Variants in CDCP1 observed in about 807,000 individuals in gnomAD.
CDCP1 encodes the protein CUB domain containing protein 1.
Under a neutral mutation model 60.2 loss-of-function variants are expected in CDCP1, and 29 were observed. That is an observed-to-expected ratio of 0.48 (90% CI 0.36 to 0.66). CDCP1 has a LOEUF of 0.66. Among genes scored for constraint, CDCP1 ranks in the 30% least tolerant of loss-of-function variants. The pLI is 0.00. For missense variants in CDCP1, 876 were observed against 1,074.3 expected (o/e 0.82, Z 2.58); for synonymous variants, 387 against 431.1 (o/e 0.90, Z 1.27).
At chr3:45,113,872 T>C (rs779737594) in intron 2 of CDCP1, among the ~76,000 whole-genome samples, 1 of 152,342 alleles carries the variant, frequency 6.6e-6, no homozygotes, top group Middle Eastern at 3.4e-3. Flanking sequence ...AACTTCAATG[T>C]TTATATCAAG....
rs140716852 is a variant in CDCP1, at chr3:45,112,278, T to C, written c.460A>G (p.Ser154Gly). ...GAGTGAGTGACTCCGTCTGGGCAGCTCTCACCCGGACCGATCTGCCTCAGG... is the reference window on the plus strand; with the variant it reads ...GAGTGAGTGACTCCGTCTGGGCAGCCCTCACCCGGACCGATCTGCCTCAGG... Reference protein sequence around the residue: ...PRLRQIGPGESCPDGVTHSIS... With the variant: ...PRLRQIGPGEGCPDGVTHSIS... Residue 154 changes from serine (S) to glycine (G), a missense_variant, in exon 3 of 9, where the codon AGC (serine) becomes GGC (glycine). Ser to Gly is a moderately conservative substitution (Grantham distance 56, BLOSUM62 0). Transcript: ENST00000296129. 52 of 1,614,094 alleles carry C rather than the reference T, an allele frequency of 3.2e-5. No homozygotes were observed. In the African/African-American group the frequency reaches 6.7e-4, roughly 21 times the overall value.
At chr3:45,106,459 T>C (rs535611912) in intron 4 of CDCP1, among the ~76,000 whole-genome samples, 4 of 152,292 alleles carry the variant, frequency 2.6e-5, no homozygotes, top group African/African-American at 9.6e-5. Flanking sequence ...CCCCTTCAGA[T>C]GGGCTGTGGG....
chr3:45,129,185 G>T (rs6763319), intron 1 of CDCP1, among the ~76,000 whole-genome samples: 71,750 of 152,110 alleles, frequency 0.47, 17,121 homozygotes, highest in South Asian at 0.58. Context: ...AAAGACACAT[G>T]CCATATGAGA....
At chr3:45,126,175 C>CTTTCT (rs1698993306) in intron 1 of CDCP1, among the ~76,000 whole-genome samples, 6 of 36,308 alleles carry the variant, frequency 1.7e-4, no homozygotes, top group Non-Finnish European at 3.2e-4. Context: ...TCTTTCTTTC[C>CTTTCT]TTCTTTCTCT....
chr3:45,124,312 G>A (rs1295235388), intron 1 of CDCP1, among the ~76,000 whole-genome samples: 2 of 152,168 alleles, frequency 1.3e-5, no homozygotes, highest in African/African-American at 4.8e-5. Flanking sequence ...CAAAATAACT[G>A]GCAACCCGTC....
chr3:45,107,275 T>C (rs1366222036), intron 4 of CDCP1, among the ~76,000 whole-genome samples: 1 of 151,924 alleles, frequency 6.6e-6, no homozygotes, highest in Non-Finnish European at 1.5e-5. Context: ...GGCACAATAT[T>C]GGCTCACCAC....
At position 45,112,396 on chromosome 3, in the gene CDCP1, C is replaced by G. The variant is rs142365635; in HGVS notation, c.342G>C (p.Ser114=). The G allele has an allele frequency of 8.1e-6, 13 of 1,614,194 alleles. No individual in the cohort carries two copies. The highest frequency in any genetic ancestry group is 1.3e-5 in the African/African-American group (1 of 75,036). ...CPFGEVQLQP[S]TSLLPTLNRT... Reference sequence around the variant, plus strand: ...TGTTGAGGGTAGGCAACAACGATGTCGAGGGCTGAAGCTGAACCTCCCCAA... The same window carrying G: ...TGTTGAGGGTAGGCAACAACGATGTGGAGGGCTGAAGCTGAACCTCCCCAA... The change falls in exon 3 of 9, where the codon TCG becomes TCC. Residue 114 remains serine, a synonymous_variant. Transcript: ENST00000296129.
At chr3:45,137,561 C>T (rs146885174) in intron 1 of CDCP1, among the ~76,000 whole-genome samples, 1 of 150,296 alleles carries the variant, frequency 6.7e-6, no homozygotes, top group East Asian at 2.0e-4. Context: ...AATCCCAGCA[C>T]TTTGGGAGGC....
At chr3:45,112,888 C>G (rs1698724444) in intron 2 of CDCP1, among the ~76,000 whole-genome samples, 1 of 152,248 alleles carries the variant, frequency 6.6e-6, no homozygotes, top group South Asian at 2.1e-4. Context: ...GCTACGTGCC[C>G]TGCTCTATCC....
intron 1 of CDCP1, among the ~76,000 whole-genome samples, chr3:45,131,921 T>A (rs909873646): frequency 3.3e-5 from 5 of 152,202 alleles, no homozygotes; most frequent in Admixed American, 3.3e-4. Context: ...CTGACAGGAC[T>A]GCATTTTTTT....
intron 1 of CDCP1, among the ~76,000 whole-genome samples, chr3:45,124,516 G>A (rs1698940978): frequency 6.6e-6 from 1 of 152,176 alleles, no homozygotes; most frequent in African/African-American, 2.4e-5. Context: ...AGGATGCCAA[G>A]GGAGGCAGAC....
At chr3:45,108,787 A>ATATTTTTTTTTTTT (rs1559392558) in intron 4 of CDCP1, among the ~76,000 whole-genome samples, 1 of 34,746 alleles carries the variant, frequency 2.9e-5, no homozygotes, top group Admixed American at 3.2e-4. Flanking sequence ...ATACATATAT[A>ATATTTTTTTTTTTT]TGCATGTATA....
chr3:45,087,356 T>G (rs1420131060), intron 8 of CDCP1, among the ~76,000 whole-genome samples: 2 of 152,168 alleles, frequency 1.3e-5, no homozygotes, highest in African/African-American at 4.8e-5. Context: ...GCAAGGCCTG[T>G]AGCAAGGCTG....
intron 1 of CDCP1, among the ~76,000 whole-genome samples, chr3:45,134,265 C>T (rs1699155318): frequency 6.6e-6 from 1 of 152,134 alleles, no homozygotes; most frequent in Non-Finnish European, 1.5e-5. Flanking sequence ...GCTGAGACTA[C>T]AGGCGCCCGC....
intron 6 of CDCP1, among the ~76,000 whole-genome samples, 172 bp downstream of exon 6, chr3:45,093,105 A>G (rs944459744): frequency 5.9e-5 from 9 of 152,228 alleles, no homozygotes; most frequent in African/African-American, 1.9e-4. Context: ...ATGCTAGGTT[A>G]ATGGTAAAGT....
chr3:45,126,065 AC>A (rs1320099991), intron 1 of CDCP1, among the ~76,000 whole-genome samples: 1 of 152,002 alleles, frequency 6.6e-6, no homozygotes, highest in Non-Finnish European at 1.5e-5. Flanking sequence ...TGGTCAAGTT[AC>A]CTAGCAGAAG....
intron 5 of CDCP1, 147 bp downstream of exon 5, chr3:45,095,200 C>G: frequency 2.9e-6 from 2 of 687,068 alleles, no homozygotes; most frequent in Non-Finnish European, 4.9e-6. Flanking sequence ...TCCCAAAGTG[C>G]TGGGATTACA....
In CDCP1 at chr3:45,085,610, C is replaced by G. The variant is rs752156414; in HGVS notation, c.*28G>C. The G allele has an allele frequency of 1.0e-5, 16 of 1,579,712 alleles. No homozygotes were observed. Among genetic ancestry groups the G allele is most frequent in the Admixed American group, 1.8e-5 (1 of 56,610 alleles). On this transcript the variant is annotated 3_prime_UTR_variant, in exon 9 of 9. Coordinates refer to ENST00000296129, the MANE Select transcript of CDCP1 (RefSeq NM_022842.5). The surrounding 1 kb of genome is among the most constrained non-coding windows in gnomAD (Gnocchi z 4.2). ...TGTCTCAGTGCCCTGCTTTATGAAA[C>G]TCAGCAAAGCGTCTGGAATGGATCA...
chr3:45,128,014 C>A (rs1559399483), intron 1 of CDCP1, among the ~76,000 whole-genome samples: 1 of 152,214 alleles, frequency 6.6e-6, no homozygotes, highest in Non-Finnish European at 1.5e-5. Context: ...ACTGAAGATA[C>A]TGTGCCACAG....
Sources: allele counts gnomAD v4.1 joint callset (sites outside exome capture counted in the v4.1 genomes callset), GRCh38; gene constraint gnomAD v4.1.1; non-coding constraint Gnocchi (gnomAD v3.1); transcripts MANE v1.5; gene names NCBI Gene and HGNC (gene_info 2026-07-23, HGNC 2026-07-21).